The following PPM1E variants were observed in gnomAD, a reference collection of about 807,000 sequenced individuals.
PPM1E encodes protein phosphatase, Mg2+/Mn2+ dependent 1E.
Under a neutral mutation model 65.9 loss-of-function variants are expected in PPM1E, and 20 were observed. The observed-to-expected ratio is 0.30, with a 90% CI of 0.21 to 0.44. The LOEUF (loss-of-function observed/expected upper bound fraction) is 0.44, where lower values mean the gene tolerates loss of function less well. Ranked by LOEUF, PPM1E falls within the 20% of genes least tolerant of loss-of-function variation. PPM1E has a pLI of 1.00. For synonymous variants in PPM1E, 352 were observed against 374.9 expected (o/e 0.94, Z 0.70); for missense variants, 713 against 953.1 (o/e 0.75, Z 3.32).
chr17:58,790,894 A>G (rs958700487), intron 1 of PPM1E, among the ~76,000 whole-genome samples: 5 of 147,920 alleles, frequency 3.4e-5, no homozygotes, highest in Admixed American at 2.0e-4. Context: ...GAGATAATAA[A>G]TTTTTTTTTT....
intron 1 of PPM1E, among the ~76,000 whole-genome samples, chr17:58,871,729 T>C (rs919879736): frequency 6.6e-6 from 1 of 151,162 alleles, no homozygotes; most frequent in African/African-American, 2.4e-5. Context: ...GGTGAGTGAA[T>C]CATTTGGACC....
intron 1 of PPM1E, among the ~76,000 whole-genome samples, chr17:58,759,558 GAA>G (rs1263316768): frequency 6.6e-6 from 1 of 152,222 alleles, no homozygotes; most frequent in Non-Finnish European, 1.5e-5. Flanking sequence ...CAAATATTCT[GAA>G]GTCTTTTTTC....
At chr17:58,885,306 C>CT (rs1182833965) in intron 1 of PPM1E, among the ~76,000 whole-genome samples, 3 of 152,230 alleles carry the variant, frequency 2.0e-5, no homozygotes, top group Non-Finnish European at 4.4e-5. Flanking sequence ...ATCTGCCCGC[C>CT]TTGCCCTCCC....
At chr17:58,866,743 G>A (rs1398827619) in intron 1 of PPM1E, among the ~76,000 whole-genome samples, 1 of 152,134 alleles carries the variant, frequency 6.6e-6, no homozygotes, top group Non-Finnish European at 1.5e-5. Flanking sequence ...ATAAGGGAGA[G>A]AGAGCAGATC....
chr17:58,971,863 C>T (rs184197931), intron 4 of PPM1E, among the ~76,000 whole-genome samples: 1 of 152,318 alleles, frequency 6.6e-6, no homozygotes. Context: ...ACATAACCTG[C>T]CATAGTTTTC....
chr17:58,840,057 T>C (rs1172507805), intron 1 of PPM1E, among the ~76,000 whole-genome samples: 1 of 152,164 alleles, frequency 6.6e-6, no homozygotes, highest in African/African-American at 2.4e-5. Flanking sequence ...AATAAAAGGA[T>C]ACATATTAAA....
intron 1 of PPM1E, among the ~76,000 whole-genome samples, chr17:58,864,584 G>C (rs142681094): frequency 1.3e-5 from 2 of 152,052 alleles, no homozygotes; most frequent in African/African-American, 4.8e-5. Flanking sequence ...AGGTTGCAGT[G>C]AGCTGAGATT....
chr17:58,931,045 C>CT (rs1324283669), intron 1 of PPM1E, among the ~76,000 whole-genome samples: 1 of 130,920 alleles, frequency 7.6e-6, no homozygotes, highest in Non-Finnish European at 1.6e-5. Context: ...GAAACCCCAT[C>CT]TCTACTAAAA....
intron 1 of PPM1E, among the ~76,000 whole-genome samples, chr17:58,898,390 C>T (rs971647414): frequency 1.3e-5 from 2 of 152,046 alleles, no homozygotes; most frequent in African/African-American, 4.8e-5. Context: ...TTTATGCAGC[C>T]AACAGACACA....
rs1366387355 is a variant in PPM1E, at chr17:58,966,162, A to G, written c.783+269A>G. 1.7e-5 allele frequency: 8 copies of G among 468,932 alleles called. 1 individual carries two copies. The South Asian group carries it at 1.7e-4, about 10-fold the overall frequency. 29.0% of individuals were successfully genotyped at this position (468,932 alleles called of 1,614,324 possible). A position where few individuals can be genotyped will look rare whatever the true frequency, so the allele number is the denominator to read the frequency against. Reference sequence around the variant, plus strand: ...CCAGGTACTCAGTTCCCTTCCATGGAGGCAAGGTAGTCTTTTGTGTCACCT... The same window carrying G: ...CCAGGTACTCAGTTCCCTTCCATGGGGGCAAGGTAGTCTTTTGTGTCACCT... On this transcript the variant is annotated intron_variant, in intron 3 of 6. Transcript: ENST00000308249.
intron 1 of PPM1E, among the ~76,000 whole-genome samples, chr17:58,832,315 C>T (rs1275759745): frequency 1.3e-5 from 2 of 151,982 alleles, no homozygotes; most frequent in African/African-American, 4.8e-5. Context: ...AGAATCTAAC[C>T]AGCACAGACT....
At chr17:58,781,076 A>G (rs963512454) in intron 1 of PPM1E, among the ~76,000 whole-genome samples, 27 of 152,208 alleles carry the variant, frequency 1.8e-4, no homozygotes, top group Admixed American at 3.9e-4. Context: ...AAGATTTATA[A>G]AAGATTGGTA....
chr17:58,955,578 T>C, intron 1 of PPM1E, 71 bp from the exon 2 acceptor site: 2 of 1,501,466 alleles, frequency 1.3e-6, no homozygotes, highest in Non-Finnish European at 1.8e-6. Context: ...TAATATGTAA[T>C]TATTATAACG....
At chr17:58,972,077 G>T (rs746455386) in intron 4 of PPM1E, 55 bp from the exon 5 acceptor site, 160 of 1,528,786 alleles carry the variant, frequency 1.0e-4, no homozygotes, top group Non-Finnish European at 1.4e-4. Context: ...TTCTCAATAA[G>T]AATGTAGTAT....
chr17:58,805,667 A>G (rs1273180988), intron 1 of PPM1E, among the ~76,000 whole-genome samples: 1 of 152,138 alleles, frequency 6.6e-6, no homozygotes, highest in African/African-American at 2.4e-5. Flanking sequence ...TTTCATAATA[A>G]TAATATGTGA....
chr17:58,795,810 T>C (rs1724880001), intron 1 of PPM1E, among the ~76,000 whole-genome samples: 1 of 152,232 alleles, frequency 6.6e-6, no homozygotes, highest in South Asian at 2.1e-4. Flanking sequence ...TTTTTTCATA[T>C]GTTTGCTGGG....
chr17:58,765,116 C>T (rs866636429), intron 1 of PPM1E, among the ~76,000 whole-genome samples: 9 of 150,682 alleles, frequency 6.0e-5, no homozygotes, highest in Non-Finnish European at 7.4e-5. Flanking sequence ...GCTATAGAAA[C>T]GTTTGCAATT....
At chr17:58,826,841 G>A (rs1426499380) in intron 1 of PPM1E, among the ~76,000 whole-genome samples, 1 of 151,896 alleles carries the variant, frequency 6.6e-6, no homozygotes, top group African/African-American at 2.4e-5. Flanking sequence ...GTGTTAGCCA[G>A]GATGGTCTCG....
At chr17:58,791,973 C>T (rs2050161398) in intron 1 of PPM1E, among the ~76,000 whole-genome samples, 1 of 152,128 alleles carries the variant, frequency 6.6e-6, no homozygotes, top group African/African-American at 2.4e-5. Context: ...GCACCTAACA[C>T]TTTTCTTCCT....
Sources: gnomAD v4.1 joint callset for allele counts (sites outside exome capture counted in the v4.1 genomes callset) on GRCh38, gnomAD v4.1.1 for gene constraint, MANE v1.5 for transcripts, NCBI Gene and HGNC (gene_info 2026-07-23, HGNC 2026-07-21) for gene names.